The following NTN4 variants were observed in gnomAD, a reference collection of about 807,000 sequenced individuals.
NTN4 encodes the protein netrin 4.
A neutral mutation model predicts 73.6 loss-of-function variants in NTN4; 32 were observed. The ratio of observed to expected loss-of-function variants is 0.44; its 90% CI spans 0.33 to 0.58. NTN4 has a LOEUF of 0.58. Among genes scored for constraint, NTN4 ranks in the 20% least tolerant of loss-of-function variants. NTN4 has a pLI of 0.04. For missense variants in NTN4, 654 were observed against 798.3 expected, an observed-to-expected ratio of 0.82 and a Z score of 2.18; for synonymous variants, 258 against 287.5, an observed-to-expected ratio of 0.90 and a Z score of 1.04.
intron 1 of NTN4, among the ~76,000 whole-genome samples, chr12:95,788,549 C>T (rs890175344): frequency 2.0e-5 from 3 of 151,990 alleles, no homozygotes; most frequent in Non-Finnish European, 4.4e-5. Context: ...GGAAATCAAC[C>T]CTTAAATTCT....
At chr12:95,669,359 T>C (rs2078208603) in intron 8 of NTN4, among the ~76,000 whole-genome samples, 1 of 152,188 alleles carries the variant, frequency 6.6e-6, no homozygotes, top group Non-Finnish European at 1.5e-5. Flanking sequence ...GGATGTATTT[T>C]CCTGTTATTT....
Position 95,789,921 on chromosome 12 carries a change from G to A in NTN4, c.55+334C>T, listed in dbSNP as rs2079195746. ...TTCCTTAGGCCATGAAGTGCCGGGG[G>A]ATGGCGAGCTGGGTCCTTTGTTCCC... is the stretch of plus-strand genomic sequence containing the variant. On this transcript the variant is annotated intron_variant, in intron 1 of 9. Coordinates refer to ENST00000343702, the MANE Select transcript of NTN4 (RefSeq NM_021229.4). The surrounding 1 kb of genome is among the most constrained non-coding windows in gnomAD (Gnocchi z 4.0). 3 of 263,782 alleles carry A rather than the reference G, an allele frequency of 1.1e-5. No homozygotes were observed. The highest frequency in any genetic ancestry group is 2.1e-5 in the Non-Finnish European group (3 of 139,580). The allele number at this position is 263,782 out of a possible 1,614,324, so 16.3% of individuals were successfully genotyped here. A position where few individuals can be genotyped will look rare whatever the true frequency, so the allele number is the denominator to read the frequency against.
intron 2 of NTN4, among the ~76,000 whole-genome samples, chr12:95,748,133 A>AG (rs1223595750): frequency 2.0e-5 from 3 of 149,014 alleles, no homozygotes; most frequent in African/African-American, 7.4e-5. Flanking sequence ...CAGGAGGCTG[A>AG]GGCAGGAGAA....
chr12:95,695,685 T>C (rs1423707091), intron 5 of NTN4, among the ~76,000 whole-genome samples: 4 of 152,196 alleles, frequency 2.6e-5, no homozygotes, highest in African/African-American at 9.6e-5. Context: ...GCTATGTGAC[T>C]ACTGCTCAGA....
At chr12:95,784,898 T>C (rs1395224095) in intron 2 of NTN4, among the ~76,000 whole-genome samples, 1 of 152,236 alleles carries the variant, frequency 6.6e-6, no homozygotes, top group Non-Finnish European at 1.5e-5. Context: ...ATATAAACAT[T>C]GATGACAATA....
intron 5 of NTN4, among the ~76,000 whole-genome samples, chr12:95,706,277 A>G (rs1428121367): frequency 8.7e-6 from 1 of 114,720 alleles, no homozygotes; most frequent in Non-Finnish European, 1.8e-5. Context: ...TATCTTGAAC[A>G]TAGAACAGTA....
upstream of NTN4, chr12:95,791,122 A>G (rs1012374399): frequency 2.0e-5 from 3 of 152,784 alleles, no homozygotes; most frequent in Non-Finnish European, 2.9e-5. This position sits in a 1 kb window ranked among gnomAD's most constrained non-coding sequence, Gnocchi z 4.0. Flanking sequence ...CTTCTCCCGG[A>G]ACATTCCTAA....
intron 2 of NTN4, among the ~76,000 whole-genome samples, chr12:95,785,322 A>T (rs2079159570): frequency 6.6e-6 from 1 of 152,244 alleles, no homozygotes; most frequent in Non-Finnish European, 1.5e-5. Context: ...AGTTCAAGCC[A>T]TTCATTTGTT....
At chr12:95,788,302 C>A (rs191246728) in intron 1 of NTN4, among the ~76,000 whole-genome samples, 1 of 152,306 alleles carries the variant, frequency 6.6e-6, no homozygotes, top group African/African-American at 2.4e-5. Flanking sequence ...CCACTAACAG[C>A]ACCTTTAAAT....
At chr12:95,683,840 G>A in intron 5 of NTN4, 129 bp from the exon 6 acceptor site, 2 of 651,114 alleles carry the variant, frequency 3.1e-6, no homozygotes, top group Non-Finnish European at 5.5e-6. Context: ...TCTTTAGCCA[G>A]TGAGTGTATG....
intron 2 of NTN4, among the ~76,000 whole-genome samples, chr12:95,770,860 C>A (rs574318179): frequency 6.6e-6 from 1 of 152,176 alleles, no homozygotes; most frequent in African/African-American, 2.4e-5. Context: ...ATAGCAGAGG[C>A]CTGGGAAGAC....
At chr12:95,669,699 A>G (rs749131828) in intron 8 of NTN4, among the ~76,000 whole-genome samples, 1 of 152,234 alleles carries the variant, frequency 6.6e-6, no homozygotes, top group Non-Finnish European at 1.5e-5. Context: ...TCTACTCAGT[A>G]TTACTGTACG....
chr12:95,789,178 A>G lies in NTN4; in HGVS notation c.55+1077T>C, dbSNP rs1227680855. Reference sequence around the variant, plus strand: ...ACTCAAGGGACTATTCAATGATACTAAGGATGCTCCTGTGACTTGGACTGG... The same window carrying G: ...ACTCAAGGGACTATTCAATGATACTGAGGATGCTCCTGTGACTTGGACTGG... On this transcript the variant is annotated intron_variant, in intron 1 of 9. Coordinates refer to ENST00000343702, the MANE Select transcript of NTN4 (RefSeq NM_021229.4). This position sits in a 1 kb window ranked among gnomAD's most constrained non-coding sequence, Gnocchi z 4.0. Among the ~76,000 whole-genome samples the G allele has an allele frequency of 6.6e-6, 1 of 152,162 alleles. No homozygotes were observed. Among genetic ancestry groups the G allele is most frequent in the Non-Finnish European group, 1.5e-5 (1 of 68,018 alleles).
At chr12:95,686,840 A>G (rs550251412) in intron 5 of NTN4, among the ~76,000 whole-genome samples, 4 of 152,316 alleles carry the variant, frequency 2.6e-5, no homozygotes, top group Non-Finnish European at 2.9e-5. Context: ...CACTTTCCCC[A>G]GTGCATCTTT....
intron 7 of NTN4, chr12:95,672,213 G>A (rs568838027): frequency 3.4e-6 from 2 of 580,190 alleles, no homozygotes; most frequent in Non-Finnish European, 3.1e-6. Context: ...TGCGGGGGGC[G>A]GGCGGGGGGA....
intron 5 of NTN4, among the ~76,000 whole-genome samples, chr12:95,702,956 C>T (rs914197377): frequency 6.7e-6 from 1 of 149,692 alleles, no homozygotes; most frequent in African/African-American, 2.5e-5. Context: ...CTCCCAGGTG[C>T]GAGCGATTCT....
At chr12:95,703,303 T>G (rs1447561140) in intron 5 of NTN4, among the ~76,000 whole-genome samples, 1 of 152,188 alleles carries the variant, frequency 6.6e-6, no homozygotes, top group Non-Finnish European at 1.5e-5. Context: ...CTGATAGAAA[T>G]GTAAGGTTCA....
At chr12:95,731,860 C>T (rs1427396449) in intron 3 of NTN4, among the ~76,000 whole-genome samples, 1 of 151,940 alleles carries the variant, frequency 6.6e-6, no homozygotes, top group Non-Finnish European at 1.5e-5. Flanking sequence ...TTGGGGAAGT[C>T]AACATTTTCA....
intron 3 of NTN4, among the ~76,000 whole-genome samples, chr12:95,716,749 T>C (rs1158061366): frequency 6.6e-6 from 1 of 152,188 alleles, no homozygotes; most frequent in East Asian, 1.9e-4. Flanking sequence ...TCCAGTTACA[T>C]CAGCATGTTA....
Sources: gnomAD v4.1 joint callset for allele counts (sites outside exome capture counted in the v4.1 genomes callset) on GRCh38, gnomAD v4.1.1 for gene constraint, Gnocchi (gnomAD v3.1) non-coding constraint, MANE v1.5 for transcripts, NCBI Gene and HGNC (gene_info 2026-07-23, HGNC 2026-07-21) for gene names.